The following AKAP19 variants were observed in gnomAD, a reference collection of about 807,000 sequenced individuals.
The protein encoded by AKAP19 is small A-kinase anchoring protein.
chr2:190,153,809 GTC>G, the AKAP19 span, among the ~76,000 whole-genome samples: 1 of 152,144 alleles, frequency 6.6e-6, no homozygotes, highest in African/African-American at 2.4e-5. Flanking sequence ...ATTTTAGTAA[GTC>G]TTCTCAATTG....
At chr2:189,987,173 T>C in the AKAP19 span, among the ~76,000 whole-genome samples, 1 of 152,136 alleles carries the variant, frequency 6.6e-6, no homozygotes, top group Non-Finnish European at 1.5e-5. Flanking sequence ...TGGGGGCCGG[T>C]CTTTCCATGC....
the AKAP19 span, among the ~76,000 whole-genome samples, chr2:190,023,820 CA>C: frequency 1.6e-5 from 2 of 125,590 alleles, no homozygotes; most frequent in Non-Finnish European, 3.4e-5. Context: ...TATATATATA[CA>C]TATATATACT....
At chr2:190,085,857 A>G in the AKAP19 span, among the ~76,000 whole-genome samples, 1 of 152,204 alleles carries the variant, frequency 6.6e-6, no homozygotes, top group Non-Finnish European at 1.5e-5. Flanking sequence ...ATAAAATATT[A>G]TAGTGGAAAT....
chr2:190,074,738 T>C, the AKAP19 span, among the ~76,000 whole-genome samples: 2 of 152,034 alleles, frequency 1.3e-5, no homozygotes, highest in Non-Finnish European at 2.9e-5. Flanking sequence ...CATTTTAACT[T>C]AGGCCGTTAA....
At chr2:189,951,050 G>A in the AKAP19 span, among the ~76,000 whole-genome samples, 4 of 152,128 alleles carry the variant, frequency 2.6e-5, no homozygotes, top group African/African-American at 7.2e-5. Context: ...GATAAGGGAA[G>A]TTTTGGGGTT....
the AKAP19 span, among the ~76,000 whole-genome samples, chr2:190,166,011 T>G: frequency 6.6e-6 from 1 of 152,150 alleles, no homozygotes; most frequent in Admixed American, 6.5e-5. Context: ...AGAGTGAGTT[T>G]ACCACTTAGA....
At chr2:190,203,063 TAAAAACA>T in the AKAP19 span, 6 of 167,066 alleles carry the variant, frequency 3.6e-5, no homozygotes, top group Non-Finnish European at 5.9e-5. Context: ...TTATTAGTAT[TAAAAACA>T]GACACACTGA....
chr2:190,071,916 C>T, the AKAP19 span, among the ~76,000 whole-genome samples: 1 of 151,428 alleles, frequency 6.6e-6, no homozygotes, highest in African/African-American at 2.4e-5. Flanking sequence ...AAAGTAAAAA[C>T]AAGACAAGGA....
At chr2:190,111,891 T>A in the AKAP19 span, among the ~76,000 whole-genome samples, 1 of 151,806 alleles carries the variant, frequency 6.6e-6, no homozygotes, top group Non-Finnish European at 1.5e-5. Flanking sequence ...GTTTTTTTGT[T>A]TTGTTTTTTT....
At chr2:190,115,197 CAGAG>C in the AKAP19 span, among the ~76,000 whole-genome samples, 2 of 104,608 alleles carry the variant, frequency 1.9e-5, no homozygotes, top group African/African-American at 3.8e-5. Flanking sequence ...GAGAGAGAGA[CAGAG>C]AGAGACAGAG....
At chr2:190,183,665 T>C in the AKAP19 span, among the ~76,000 whole-genome samples, 5 of 152,244 alleles carry the variant, frequency 3.3e-5, no homozygotes, top group East Asian at 9.7e-4. Context: ...AAAGTTCTGT[T>C]TGAATCTCTA....
At chr2:189,999,949 G>T in the AKAP19 span, among the ~76,000 whole-genome samples, 385 of 152,320 alleles carry the variant, frequency 2.5e-3, 2 homozygotes, top group African/African-American at 8.5e-3. Flanking sequence ...TGCAACGGAA[G>T]TTGCTAACTA....
chr2:189,987,478 T>C, the AKAP19 span, among the ~76,000 whole-genome samples: 1 of 152,244 alleles, frequency 6.6e-6, no homozygotes, highest in Non-Finnish European at 1.5e-5. Flanking sequence ...TGAGAGGCCA[T>C]GATCTTTCAG....
At chr2:189,912,506 A>G in the AKAP19 span, among the ~76,000 whole-genome samples, 1 of 152,166 alleles carries the variant, frequency 6.6e-6, no homozygotes, top group Non-Finnish European at 1.5e-5. Flanking sequence ...GCAACACTGC[A>G]CTCCAGCCCG....
At chr2:190,130,495 T>G in the AKAP19 span, among the ~76,000 whole-genome samples, 1 of 152,286 alleles carries the variant, frequency 6.6e-6, no homozygotes, top group East Asian at 1.9e-4. Flanking sequence ...GCAAAAAAAT[T>G]TTAAAAAGCT....
chr2:190,176,472 G>A, the AKAP19 span, among the ~76,000 whole-genome samples: 1,971 of 151,986 alleles, frequency 0.013, 28 homozygotes, highest in African/African-American at 0.044. This position sits in a 1 kb window ranked among gnomAD's most constrained non-coding sequence, Gnocchi z 4.7. Context: ...CTCAGCCTCC[G>A]GAGTAGCTGG....
chr2:190,202,695 T>A, the AKAP19 span: 1 of 167,028 alleles, frequency 6.0e-6, no homozygotes, highest in Non-Finnish European at 1.5e-5. Flanking sequence ...GACTAGCTCC[T>A]GGAAAGGGAA....
the AKAP19 span, among the ~76,000 whole-genome samples, chr2:189,886,295 T>C: frequency 6.6e-6 from 1 of 152,154 alleles, no homozygotes; most frequent in African/African-American, 2.4e-5. Context: ...ATATACTTTA[T>C]TGAACATTAG....
chr2:190,153,083 A>G, the AKAP19 span, among the ~76,000 whole-genome samples: 2 of 151,974 alleles, frequency 1.3e-5, no homozygotes, highest in African/African-American at 4.8e-5. Context: ...TTTTAGTAGA[A>G]ACGGGGTTTC....
Sources: gnomAD v4.1 joint callset for allele counts (sites outside exome capture counted in the v4.1 genomes callset) on GRCh38, gnomAD v4.1.1 for gene constraint, Gnocchi (gnomAD v3.1) non-coding constraint, MANE v1.5 for transcripts, NCBI Gene and HGNC (gene_info 2026-07-23, HGNC 2026-07-21) for gene names.